Variants in LAPTM4A observed in about 807,000 individuals in gnomAD.
LAPTM4A encodes lysosomal protein transmembrane 4 alpha.
LAPTM4A carries 19 observed loss-of-function variants against 29.9 expected under a neutral mutation model. That is an observed-to-expected ratio of 0.64 (90% CI 0.44 to 0.93). The LOEUF (loss-of-function observed/expected upper bound fraction) is 0.93, where lower values mean the gene tolerates loss of function less well. Ranked by LOEUF, LAPTM4A falls within the 40% of genes least tolerant of loss-of-function variation. The pLI, the probability that LAPTM4A is intolerant of heterozygous loss-of-function variation, is 0.00. For synonymous variants in LAPTM4A, 105 were observed against 102.1 expected, an observed-to-expected ratio of 1.03 and a Z score of -0.17; for missense variants, 293 against 288.5, an observed-to-expected ratio of 1.02 and a Z score of -0.11.
At position 20,051,597 on chromosome 2, in the gene LAPTM4A, T is replaced by C. The variant is rs956849542; in HGVS notation, c.-77A>G. On this transcript the variant is annotated 5_prime_UTR_variant, in exon 1 of 7. Transcript: ENST00000175091. ...CCGCAGCCAAACTCAAACGGCTGTT[T>C]CACGGCCTCCAAAACCCAACGACGC... 17 of 953,236 alleles carry C rather than the reference T, an allele frequency of 1.8e-5. No homozygotes were observed. Among genetic ancestry groups the C allele is most frequent in the Non-Finnish European group, 2.6e-5 (16 of 622,858 alleles). The allele number at this position is 953,236 out of a possible 1,614,324, so 59.0% of individuals were successfully genotyped here. A position where few individuals can be genotyped will look rare whatever the true frequency, so the allele number is the denominator to read the frequency against.
At chr2:20,045,795 T>TA (rs199986066) in intron 1 of LAPTM4A, among the ~76,000 whole-genome samples, 50 of 150,364 alleles carry the variant, frequency 3.3e-4, no homozygotes, top group East Asian at 2.9e-3. Context: ...CTGGAGACTT[T>TA]AAAAAAAAAA....
rs1553330619 is a variant in LAPTM4A at position 20,034,435 on chromosome 2, G to A, written c.529-20C>T. 1 of 1,512,934 alleles carries A rather than the reference G, an allele frequency of 6.6e-7. No homozygotes were observed. Among genetic ancestry groups the A allele is most frequent in the Non-Finnish European group, 9.2e-7 (1 of 1,087,864 alleles). 93.7% of individuals were successfully genotyped at this position (1,512,934 alleles called of 1,614,324 possible). A position where few individuals can be genotyped will look rare whatever the true frequency, so the allele number is the denominator to read the frequency against. On this transcript the variant is annotated intron_variant, in intron 5 of 6. Coordinates refer to ENST00000175091, the MANE Select transcript of LAPTM4A (RefSeq NM_014713.5). ...ATAAGCCTGGAAGAATAAAAACAAA[G>A]TTGACATCTGCTAGAAACTCAACAG...
intron 1 of LAPTM4A, among the ~76,000 whole-genome samples, chr2:20,045,670 C>CT (rs1435128837): frequency 7.2e-5 from 11 of 152,112 alleles, no homozygotes; most frequent in Admixed American, 5.9e-4. Flanking sequence ...AATAAGAAAT[C>CT]TGTTAGATTT....
chr2:20,036,611 T>C (rs1235686400), intron 4 of LAPTM4A, among the ~76,000 whole-genome samples: 1 of 152,120 alleles, frequency 6.6e-6, no homozygotes, highest in Non-Finnish European at 1.5e-5. Context: ...GGAAATCTGG[T>C]AGTGGGAAGA....
At position 20,033,224 on chromosome 2, in the gene LAPTM4A, G is replaced by A; in HGVS notation, c.683C>T (p.Pro228Leu). The A allele has an allele frequency of 5.0e-6, 8 of 1,614,066 alleles. No individual in the cohort carries two copies. Among genetic ancestry groups the A allele is most frequent in the Non-Finnish European group, 5.9e-6 (7 of 1,179,940 alleles). ...ATTTCTTCAGGCAGGTAAGTAAGGA[G>A]GTGGTGGTTCTTTTTCAGGCATTTT... ...AVKMPEKEPP[P>L]PYLPA Residue 228 changes from proline (P) to leucine (L), a missense_variant, in exon 7 of 7, where the codon CCT (proline) becomes CTT (leucine). Transcript: ENST00000175091.
chr2:20,044,364 G>A (rs78059019), intron 1 of LAPTM4A, among the ~76,000 whole-genome samples: 2,130 of 152,168 alleles, frequency 0.014, 49 homozygotes, highest in African/African-American at 0.049. Context: ...AGCTCTCTGC[G>A]GTACAGAAAT....
At chr2:20,051,268 A>C (rs1572402480) in intron 1 of LAPTM4A, 142 bp downstream of exon 1, 1 of 673,432 alleles carries the variant, frequency 1.5e-6, no homozygotes, top group African/African-American at 1.8e-5. Flanking sequence ...CTTGGACTTC[A>C]TCCAGAGTTG....
intron 5 of LAPTM4A, 78 bp from the exon 6 acceptor site, chr2:20,034,493 T>A: frequency 2.1e-6 from 2 of 974,102 alleles, no homozygotes; most frequent in Non-Finnish European, 3.3e-6. Context: ...TGACTTAGAA[T>A]GCTTTCCCCA....
At chr2:20,033,837 G>A (rs1419839798) in intron 6 of LAPTM4A, among the ~76,000 whole-genome samples, 8 of 152,164 alleles carry the variant, frequency 5.3e-5, no homozygotes, top group African/African-American at 1.7e-4. Flanking sequence ...TTTATATGCT[G>A]AAAACCTGGG....
chr2:20,045,841 G>A (rs1673906968), intron 1 of LAPTM4A, among the ~76,000 whole-genome samples: 1 of 152,098 alleles, frequency 6.6e-6, no homozygotes, highest in South Asian at 2.1e-4. Context: ...TTTGCCCAGA[G>A]CCAGTATCTA....
chr2:20,043,489 T>G (rs1012940110), intron 1 of LAPTM4A, among the ~76,000 whole-genome samples: 1 of 152,194 alleles, frequency 6.6e-6, no homozygotes, highest in Admixed American at 6.5e-5. Flanking sequence ...GTGCTGGGAT[T>G]ACAGGTGTGA....
chr2:20,037,273 T>G, intron 4 of LAPTM4A, 43 bp downstream of exon 4: 1 of 1,481,664 alleles, frequency 6.7e-7, no homozygotes, highest in Non-Finnish European at 9.1e-7. Context: ...AACATTTTAC[T>G]CAAAATGAAA....
intron 1 of LAPTM4A, among the ~76,000 whole-genome samples, chr2:20,045,201 C>A (rs1673892439): frequency 6.6e-6 from 1 of 152,168 alleles, no homozygotes; most frequent in South Asian, 2.1e-4. Flanking sequence ...TACAAAATTT[C>A]TCTGAAAATA....
chr2:20,048,371 G>C (rs965004950), intron 1 of LAPTM4A, among the ~76,000 whole-genome samples: 4 of 152,192 alleles, frequency 2.6e-5, no homozygotes, highest in African/African-American at 9.7e-5. Context: ...TACTTAACCA[G>C]GTATGCTTCT....
rs1674069039 is a variant in LAPTM4A at position 20,051,413 on chromosome 2, G to A, written c.108C>T (p.Tyr36=). 2 of 1,607,472 alleles carry A rather than the reference G, an allele frequency of 1.2e-6. No individual in the cohort carries two copies. The highest frequency in any genetic ancestry group is 1.7e-6 in the Non-Finnish European group (2 of 1,174,974). The change falls in exon 1 of 7, where the codon TAC becomes TAT. Residue 36 remains tyrosine, a synonymous_variant. Coordinates refer to ENST00000175091, the MANE Select transcript of LAPTM4A (RefSeq NM_014713.5). ...RTGTIILGTW[Y]MVVNLLMAIL... ...GCGCCACGCCTGCCCGCCTTACCAT[G>A]TACCAGGTCCCCAGGATGATCGTCC...
chr2:20,037,697 ATTAAAT>A, intron 2 of LAPTM4A, 83 bp from the exon 3 acceptor site: 1 of 850,862 alleles, frequency 1.2e-6, no homozygotes. Flanking sequence ...GCTTTAAAAT[ATTAAAT>A]TTAAATATTT....
intron 1 of LAPTM4A, among the ~76,000 whole-genome samples, chr2:20,045,072 G>A (rs1013946060): frequency 3.3e-5 from 5 of 152,142 alleles, no homozygotes; most frequent in Admixed American, 1.3e-4. Context: ...ATTCACCAAC[G>A]AACGCCTACC....
intron 1 of LAPTM4A, among the ~76,000 whole-genome samples, chr2:20,043,527 T>C (rs988913918): frequency 6.6e-6 from 1 of 152,192 alleles, no homozygotes; most frequent in East Asian, 1.9e-4. Flanking sequence ...CTATCGATAG[T>C]ATTTTAAACA....
chr2:20,050,701 G>A (rs555167232), intron 1 of LAPTM4A, among the ~76,000 whole-genome samples: 1 of 152,268 alleles, frequency 6.6e-6, no homozygotes, highest in East Asian at 1.9e-4. Context: ...GGAGATACCG[G>A]GGTAGGTGGC....
Sources: gnomAD v4.1 joint callset for allele counts (sites outside exome capture counted in the v4.1 genomes callset) on GRCh38, gnomAD v4.1.1 for gene constraint, MANE v1.5 for transcripts, NCBI Gene and HGNC (gene_info 2026-07-23, HGNC 2026-07-21) for gene names.